PTPRD: variants seen among roughly 807,000 people sequenced by gnomAD.
PTPRD encodes the protein protein tyrosine phosphatase receptor type D.
A neutral mutation model predicts 214.5 loss-of-function variants in PTPRD; 34 were observed. The ratio of observed to expected loss-of-function variants is 0.16; its 90% CI spans 0.12 to 0.21. The LOEUF (loss-of-function observed/expected upper bound fraction) is 0.21. PTPRD is among the 10% of genes least tolerant of loss of function. PTPRD has a pLI of 1.00. For synonymous variants in PTPRD, 1,128 were observed against 845.7 expected, an observed-to-expected ratio of 1.33 and a Z score of -5.79; for missense variants, 2,545 against 2,398.7, an observed-to-expected ratio of 1.06 and a Z score of -1.27.
chr9:8,552,346 T>C (rs2082353403), intron 14 of PTPRD, among the ~76,000 whole-genome samples: 1 of 152,250 alleles, frequency 6.6e-6, no homozygotes. Context: ...TTTCTCTTCT[T>C]GCTGTGTCAG....
At chr9:9,006,257 C>T (rs1022206282) in intron 11 of PTPRD, among the ~76,000 whole-genome samples, 2 of 152,026 alleles carry the variant, frequency 1.3e-5, no homozygotes, top group Admixed American at 1.3e-4. Context: ...CTAGGTCCTC[C>T]TATGTTAGAT....
chr9:10,482,267 A>G (rs2099104568), intron 2 of PTPRD, among the ~76,000 whole-genome samples: 3 of 151,980 alleles, frequency 2.0e-5, no homozygotes, highest in Non-Finnish European at 2.9e-5. Flanking sequence ...GCTACTGAGG[A>G]GGCTGAGGCA....
chr9:8,338,816 G>T (rs2132196093), intron 43 of PTPRD, 106 bp downstream of exon 43: 4 of 1,003,220 alleles, frequency 4.0e-6, no homozygotes, highest in Non-Finnish European at 5.5e-6. Flanking sequence ...ATTTCTCTTT[G>T]GGACAACAGT....
At chr9:9,204,880 G>C (rs1357703686) in intron 9 of PTPRD, among the ~76,000 whole-genome samples, 5 of 152,026 alleles carry the variant, frequency 3.3e-5, no homozygotes, top group Non-Finnish European at 4.4e-5. Flanking sequence ...ACAATATGCA[G>C]AACTAAGAAT....
At chr9:8,806,503 C>G (rs1334170285) in intron 11 of PTPRD, among the ~76,000 whole-genome samples, 2 of 152,166 alleles carry the variant, frequency 1.3e-5, no homozygotes, top group Non-Finnish European at 2.9e-5. Flanking sequence ...TCAAACAAAA[C>G]CATCTTACCC....
chr9:10,272,427 G>C (rs778088522), intron 3 of PTPRD, among the ~76,000 whole-genome samples: 2 of 152,080 alleles, frequency 1.3e-5, no homozygotes, highest in Non-Finnish European at 2.9e-5. Flanking sequence ...ACAAATTTTG[G>C]GGTGGACATA....
chr9:8,404,417 C>T (rs1218518573), intron 36 of PTPRD, 120 bp downstream of exon 36: 2 of 1,344,126 alleles, frequency 1.5e-6, no homozygotes, highest in South Asian at 1.6e-5. Context: ...GCGTGAGCCA[C>T]CATGCACAGC....
At chr9:10,351,438 A>T (rs910280560) in intron 2 of PTPRD, among the ~76,000 whole-genome samples, 3 of 152,074 alleles carry the variant, frequency 2.0e-5, no homozygotes, top group Non-Finnish European at 4.4e-5. Context: ...TCTTTGTAGA[A>T]AAGGGAATGG....
chr9:8,802,510 C>T (rs938834443), intron 11 of PTPRD, among the ~76,000 whole-genome samples: 67 of 152,304 alleles, frequency 4.4e-4, no homozygotes, highest in African/African-American at 1.6e-3. Flanking sequence ...CACAAATAAA[C>T]TGAGTAATAG....
chr9:10,344,962 A>C (rs149863242), intron 2 of PTPRD, among the ~76,000 whole-genome samples: 1 of 152,160 alleles, frequency 6.6e-6, no homozygotes, highest in Admixed American at 6.5e-5. Flanking sequence ...TAAATCTAAA[A>C]TCATATAAAT....
At chr9:9,118,813 A>G (rs548046810) in intron 10 of PTPRD, among the ~76,000 whole-genome samples, 56 of 152,288 alleles carry the variant, frequency 3.7e-4, no homozygotes, top group South Asian at 8.3e-4. Flanking sequence ...TGAAGTACTT[A>G]TTCTACCTTA....
chr9:9,851,403 T>C (rs2060521121), intron 5 of PTPRD, among the ~76,000 whole-genome samples: 1 of 152,320 alleles, frequency 6.6e-6, no homozygotes, highest in Admixed American at 6.5e-5. Flanking sequence ...GAGGATCAAT[T>C]ATATCTTCTA....
chr9:8,377,574 G>C (rs752662799), intron 37 of PTPRD, among the ~76,000 whole-genome samples: 7 of 151,952 alleles, frequency 4.6e-5, no homozygotes, highest in Non-Finnish European at 1.0e-4. Context: ...TAAGGCCATA[G>C]ATCTGACTAT....
chr9:8,696,096 G>C (rs1257505444), intron 12 of PTPRD, among the ~76,000 whole-genome samples: 1 of 152,188 alleles, frequency 6.6e-6, no homozygotes, highest in African/African-American at 2.4e-5. Flanking sequence ...GATCAGCAGA[G>C]ACATCTTCAG....
At chr9:9,045,428 CG>C (rs150036557) in intron 10 of PTPRD, among the ~76,000 whole-genome samples, 11,876 of 151,784 alleles carry the variant, frequency 0.078, 1,502 homozygotes, top group African/African-American at 0.27. Context: ...GGTGAAGGGT[CG>C]GGGGTTGTGG....
At chr9:9,192,707 A>T (rs1357414043) in intron 9 of PTPRD, among the ~76,000 whole-genome samples, 1 of 152,120 alleles carries the variant, frequency 6.6e-6, no homozygotes, top group Non-Finnish European at 1.5e-5. Flanking sequence ...TGAAATAATC[A>T]TCCTTTTTCC....
At chr9:10,316,291 G>A (rs1485132866) in intron 3 of PTPRD, among the ~76,000 whole-genome samples, 3 of 151,358 alleles carry the variant, frequency 2.0e-5, no homozygotes, top group Non-Finnish European at 3.0e-5. Context: ...TTAGCATATT[G>A]TCCTCTACTA....
intron 8 of PTPRD, among the ~76,000 whole-genome samples, chr9:9,558,844 A>C (rs2154290431): frequency 6.6e-6 from 1 of 152,254 alleles, no homozygotes; most frequent in South Asian, 2.1e-4. Context: ...ACCCTTCCTA[A>C]CAGTGAAGGT....
intron 9 of PTPRD, among the ~76,000 whole-genome samples, chr9:9,222,055 C>A (rs900353345): frequency 4.6e-5 from 7 of 152,012 alleles, no homozygotes; most frequent in Non-Finnish European, 7.4e-5. Flanking sequence ...TGTGTTGGAA[C>A]CTTCTTCCAC....
Sources: gnomAD v4.1 joint callset for allele counts (sites outside exome capture counted in the v4.1 genomes callset) on GRCh38, gnomAD v4.1.1 for gene constraint, MANE v1.5 for transcripts, NCBI Gene and HGNC (gene_info 2026-07-23, HGNC 2026-07-21) for gene names.